MYO5C: variants seen among roughly 807,000 people sequenced by gnomAD.
MYO5C encodes the protein unconventional myosin-Vc.
Under a neutral mutation model 235.7 loss-of-function variants are expected in MYO5C, and 194 were observed. That is an observed-to-expected ratio of 0.82 (90% CI 0.73 to 0.93). The LOEUF (loss-of-function observed/expected upper bound fraction) is 0.93. Among genes scored for constraint, MYO5C ranks in the 40% least tolerant of loss-of-function variants. The pLI is 0.00. For synonymous variants in MYO5C, 707 were observed against 754.8 expected, an observed-to-expected ratio of 0.94 and a Z score of 1.04; for missense variants, 2,038 against 2,127.2, an observed-to-expected ratio of 0.96 and a Z score of 0.82.
intron 4 of MYO5C, 44 bp from the exon 5 acceptor site, chr15:52,275,762 A>C: frequency 6.3e-7 from 1 of 1,591,082 alleles, no homozygotes; most frequent in Non-Finnish European, 8.6e-7. Context: ...CTTCCCATTA[A>C]AGAGGCAACA....
intron 24 of MYO5C, among the ~76,000 whole-genome samples, chr15:52,230,787 A>AAAT: frequency 6.6e-6 from 1 of 151,542 alleles, no homozygotes; most frequent in East Asian, 1.9e-4. Flanking sequence ...GAGACCAGTA[A>AAAT]AATGCCTTTG....
chr15:52,238,794 A>ACCACGCC (rs1472436871), intron 21 of MYO5C, among the ~76,000 whole-genome samples: 2 of 151,530 alleles, frequency 1.3e-5, no homozygotes. Context: ...GGCGCCCGCC[A>ACCACGCC]CCACGCCCGG....
Position 52,275,624 on chromosome 15 carries a change from T to G in MYO5C, c.544A>C (p.Ser182Arg), listed in dbSNP as rs780767267. ...ACGTGAGCGTTGCTGCCCGATTTGC[T>G]GACGGTGGCAAAGTACCTCATGGCA... ...RYAMRYFATVSKSGSNAHVED... is the reference protein window; with the variant it reads ...RYAMRYFATVRKSGSNAHVED... Residue 182 changes from serine (S) to arginine (R), a missense_variant, in exon 5 of 41, where the codon AGC becomes CGC. Transcript: ENST00000261839. 6.2e-7 allele frequency: 1 copy of G among 1,614,224 alleles called. No homozygotes were observed. The highest frequency in any genetic ancestry group is 1.1e-5 in the South Asian group (1 of 91,080).
chr15:52,244,639 G>A (rs893498040), intron 18 of MYO5C, 72 bp from the exon 19 acceptor site: 2 of 1,092,448 alleles, frequency 1.8e-6, no homozygotes, highest in African/African-American at 1.6e-5. Context: ...TTGGAAAAGA[G>A]CTTTAGGGAT....
rs2034989022 is a variant in MYO5C, at chr15:52,193,924, A to C, written c.5207T>G (p.Leu1736Arg). ...EMIQIPSSFK[L>R]GFLNRL The stretch of plus-strand genomic sequence containing the variant: ...CTGCTATAACCTATTCAGAAAGCCT[A>C]GCTTGAAACTGCTGGGGATCTGAAT... The change falls in exon 41 of 41, where the codon CTA (leucine) becomes CGA (arginine). Residue 1736 changes from leucine (L) to arginine (R), a missense_variant. Transcript: ENST00000261839. 1 of 1,612,964 alleles carries C rather than the reference A, an allele frequency of 6.2e-7. No individual in the cohort carries two copies. Among genetic ancestry groups the C allele is most frequent in the African/African-American group, 1.3e-5 (1 of 74,876 alleles).
Position 52,218,698 on chromosome 15 carries a change from G to C in MYO5C, c.3786-11C>G. The C allele has an allele frequency of 6.2e-7, 1 of 1,613,826 alleles. No individual in the cohort carries two copies. The highest frequency in any genetic ancestry group is 8.5e-7 in the Non-Finnish European group (1 of 1,179,820). ...TGGGCTTCCAAGGCCCTGAGAAAGG[G>C]AGGGAGGAATGGCTGGTATCAGTAT... On this transcript the variant is annotated splice_polypyrimidine_tract_variant and intron_variant, in intron 31 of 40. Transcript: ENST00000261839.
chr15:52,242,884 A>G (rs2036258253), intron 19 of MYO5C: 1 of 152,284 alleles, frequency 6.6e-6, no homozygotes, highest in Non-Finnish European at 1.5e-5. Context: ...AGCATGAGTA[A>G]AGGCATGGAG....
Position 52,278,913 on chromosome 15 carries a change from T to C in MYO5C, c.409A>G (p.Ile137Val), listed in dbSNP as rs200743352. The C allele has an allele frequency of 3.1e-4, 501 of 1,614,128 alleles. No homozygotes were observed. The African/African-American group carries it at 6.2e-3, about 20-fold the overall frequency. The change falls in exon 4 of 41, where the codon ATA (isoleucine) becomes GTA (valine). Residue 137 changes from isoleucine to valine, a missense_variant. Ile to Val is a conservative substitution (Grantham distance 29). Transcript: ENST00000261839. ...TATGCCTCTTCTGCCACGGCAAATA[T>C]GTGTGGGTCCATATCGCCCATGTTC... ...GQNMGDMDPH[I>V]FAVAEEAYKQ...
intron 23 of MYO5C, among the ~76,000 whole-genome samples, chr15:52,234,973 A>C (rs924322211): frequency 2.1e-5 from 3 of 145,268 alleles, no homozygotes; most frequent in African/African-American, 5.4e-5. Context: ...GATTTAAACT[A>C]TCTGGTCAGG....
chr15:52,212,172 G>C (rs1330461772), intron 34 of MYO5C, among the ~76,000 whole-genome samples: 2 of 152,164 alleles, frequency 1.3e-5, no homozygotes, highest in African/African-American at 4.8e-5. Flanking sequence ...CTGGATTTCA[G>C]ACCCCCATTG....
At chr15:52,241,534 C>G (rs1482917953) in intron 20 of MYO5C, among the ~76,000 whole-genome samples, 1 of 152,164 alleles carries the variant, frequency 6.6e-6, no homozygotes, top group East Asian at 1.9e-4. Context: ...GCTGGGATTA[C>G]AGGTGTGAGC....
chr15:52,256,844 C>A (rs2036596175), intron 10 of MYO5C, 124 bp from the exon 11 acceptor site: 1 of 678,174 alleles, frequency 1.5e-6, no homozygotes, highest in Non-Finnish European at 2.5e-6. Flanking sequence ...TTTAAATACC[C>A]CTCAAAGCTT....
chr15:52,220,702 C>T (rs956059172), intron 30 of MYO5C, among the ~76,000 whole-genome samples: 2 of 151,452 alleles, frequency 1.3e-5, no homozygotes, highest in Non-Finnish European at 2.9e-5. Flanking sequence ...TGGTGGGTGC[C>T]TGTAATTTGA....
intron 2 of MYO5C, among the ~76,000 whole-genome samples, chr15:52,281,555 G>A (rs2037163182): frequency 6.6e-6 from 1 of 152,236 alleles, no homozygotes; most frequent in South Asian, 2.1e-4. Flanking sequence ...CCGGGGAGCA[G>A]GAGCCTCTTC....
In MYO5C at chr15:52,295,711, C is replaced by T; in HGVS notation, c.-75G>A. On this transcript the variant is annotated 5_prime_UTR_variant, in exon 1 of 41. Transcript: ENST00000261839. ...GGGGGCTGGGCCTGCGCCGCAGAGG[C>T]CGGGCGCAGGAGAGACCGCCGCGGA... The T allele has an allele frequency of 4.5e-6, 5 of 1,115,850 alleles. No homozygotes were observed. Among genetic ancestry groups the T allele is most frequent in the Non-Finnish European group, 5.9e-6 (5 of 842,966 alleles). 69.1% of individuals were successfully genotyped at this position (1,115,850 alleles called of 1,614,324 possible).
intron 40 of MYO5C, 103 bp from the exon 41 acceptor site, chr15:52,194,157 T>A: frequency 9.4e-7 from 1 of 1,060,260 alleles, no homozygotes; most frequent in Non-Finnish European, 1.4e-6. Context: ...AGTGGAGAGC[T>A]CCTTGCACCA....
chr15:52,220,209 A>G (rs1416642266), intron 30 of MYO5C, among the ~76,000 whole-genome samples: 1 of 152,218 alleles, frequency 6.6e-6, no homozygotes, highest in African/African-American at 2.4e-5. Flanking sequence ...TTAAACCATC[A>G]TTTAAAAATT....
At chr15:52,252,954 T>G (rs1158124217) in intron 12 of MYO5C, among the ~76,000 whole-genome samples, 1 of 152,230 alleles carries the variant, frequency 6.6e-6, no homozygotes, top group Non-Finnish European at 1.5e-5. Flanking sequence ...TTGATTTTTC[T>G]TGATGACTCA....
At chr15:52,280,298 C>T (rs1052550826) in intron 2 of MYO5C, among the ~76,000 whole-genome samples, 6 of 152,210 alleles carry the variant, frequency 3.9e-5, no homozygotes, top group African/African-American at 1.2e-4. Context: ...ACAGCTCCCC[C>T]AGCAGGGCTG....
Sources: gnomAD v4.1 joint callset for allele counts (sites outside exome capture counted in the v4.1 genomes callset) on GRCh38, gnomAD v4.1.1 for gene constraint, MANE v1.5 for transcripts, NCBI Gene and HGNC (gene_info 2026-07-23, HGNC 2026-07-21) for gene names.